Variants in TRIP11 observed in about 807,000 individuals in gnomAD.
The protein encoded by TRIP11 is thyroid hormone receptor interactor 11.
TRIP11 carries 148 observed loss-of-function variants against 223.1 expected under a neutral mutation model. The observed-to-expected ratio is 0.66, with a 90% CI of 0.58 to 0.76. The LOEUF is 0.76. Among genes scored for constraint, TRIP11 ranks in the 30% least tolerant of loss-of-function variants. TRIP11 has a pLI of 0.00. For synonymous variants in TRIP11, 762 were observed against 772.6 expected (o/e 0.99, Z 0.23); for missense variants, 2,043 against 2,222.0 (o/e 0.92, Z 1.62).
chr14:91,997,976 A>G (rs1164784913), intron 13 of TRIP11, among the ~76,000 whole-genome samples: 1 of 152,224 alleles, frequency 6.6e-6, no homozygotes, highest in African/African-American at 2.4e-5. Context: ...ACTGAAACAT[A>G]TAGCCAAATG....
rs755379067 is a variant in TRIP11 at position 92,005,471 on chromosome 14, A to T, written c.2505T>A (p.Ser835=). Residue 835 remains serine (S), a synonymous_variant, in exon 11 of 21, where the codon TCT becomes TCA. Coordinates refer to ENST00000267622, the MANE Select transcript of TRIP11 (RefSeq NM_004239.4). Reference sequence around the variant, plus strand: ...AAATTTCATTTTTTCTTAAGGCCTGAGAATATTTATCCAATTCCTCCTGCA... The same window carrying T: ...AAATTTCATTTTTTCTTAAGGCCTGTGAATATTTATCCAATTCCTCCTGCA... ...SKLQEELDKY[S]QALRKNEILR... is the part of the protein sequence containing the mutation. 1.9e-6 allele frequency: 3 copies of T among 1,613,906 alleles called. No homozygotes were observed. In the African/African-American group the frequency reaches 4.0e-5, roughly 22 times the overall value.
chr14:91,988,633 TA>T (rs749287959), intron 15 of TRIP11, among the ~76,000 whole-genome samples: 5,683 of 99,432 alleles, frequency 0.057, 332 homozygotes, highest in African/African-American at 0.18. Context: ...ATGACAGAAG[TA>T]AAAAAAAAAA....
At chr14:91,993,506 A>G (rs2140103405) in intron 15 of TRIP11, among the ~76,000 whole-genome samples, 1 of 151,610 alleles carries the variant, frequency 6.6e-6, no homozygotes, top group African/African-American at 2.4e-5. Flanking sequence ...AAAAGAGAGA[A>G]AATTATAAAG....
chr14:92,029,280 A>ATTTTTTTTTTTTTT (rs60778253), intron 2 of TRIP11, among the ~76,000 whole-genome samples: 5 of 76,796 alleles, frequency 6.5e-5, no homozygotes, highest in East Asian at 5.0e-4. Flanking sequence ...CCAAAGTATT[A>ATTTTTTTTTTTTTT]TTTTTTTTTT....
intron 8 of TRIP11, among the ~76,000 whole-genome samples, 197 bp from the exon 9 acceptor site, chr14:92,011,269 A>T (rs1007960787): frequency 4.6e-5 from 7 of 152,108 alleles, no homozygotes; most frequent in Middle Eastern, 3.2e-3. Flanking sequence ...AGGCAGGCAG[A>T]TCACAAGGTC....
At chr14:91,986,882 T>G (rs550963676) in intron 16 of TRIP11, among the ~76,000 whole-genome samples, 1 of 152,314 alleles carries the variant, frequency 6.6e-6, no homozygotes, top group African/African-American at 2.4e-5. Flanking sequence ...ATACAGAAGA[T>G]GCTACCATAT....
chr14:91,985,592 A>C (rs1433940482), intron 16 of TRIP11, among the ~76,000 whole-genome samples: 4 of 152,228 alleles, frequency 2.6e-5, no homozygotes, highest in African/African-American at 4.8e-5. Context: ...ATATTGTTTA[A>C]ATGCTGAAAC....
chr14:91,995,496 C>G lies in TRIP11; in HGVS notation c.4912G>C (p.Val1638Leu). 1 of 1,614,118 alleles carries G rather than the reference C, an allele frequency of 6.2e-7. No homozygotes were observed. Among genetic ancestry groups the G allele is most frequent in the Non-Finnish European group, 8.5e-7 (1 of 1,180,006 alleles). Reference sequence around the variant, plus strand: ...TTCAACTGTTCTTGCAATGACTCTACCTGCACACTGGCTTGATGGCTTCAA... The same window carrying G: ...TTCAACTGTTCTTGCAATGACTCTAGCTGCACACTGGCTTGATGGCTTCAA... ...ENASHQASVQVESLQEQLNVV... is the reference protein window; with the variant it reads ...ENASHQASVQLESLQEQLNVV... Residue 1638 changes from valine to leucine, a missense_variant, in exon 14 of 21, where the codon GTA becomes CTA. By Grantham distance (32) the Val-to-Leu change is conservative. Coordinates refer to ENST00000267622, the MANE Select transcript of TRIP11 (RefSeq NM_004239.4).
intron 16 of TRIP11, among the ~76,000 whole-genome samples, chr14:91,983,189 T>G (rs1036143081): frequency 6.6e-6 from 1 of 152,244 alleles, no homozygotes; most frequent in Non-Finnish European, 1.5e-5. Context: ...GTTTCATGTA[T>G]TTGATGCATG....
chr14:92,003,881 A>G lies in TRIP11; in HGVS notation c.4095T>C (p.Thr1365=), dbSNP rs1304792630. The G allele has an allele frequency of 6.2e-7, 1 of 1,613,778 alleles. No homozygotes were observed. Among genetic ancestry groups the G allele is most frequent in the East Asian group, 2.2e-5 (1 of 44,860 alleles). Residue 1365 remains threonine, a synonymous_variant, in exon 11 of 21, where the codon ACT becomes ACC. Transcript: ENST00000267622. ...ACAATCTGTGGTTATTTTCCTGGAGAGTTCTAATTGTTGCATCTTTTTCCT... is the reference window on the plus strand; with the variant it reads ...ACAATCTGTGGTTATTTTCCTGGAGGGTTCTAATTGTTGCATCTTTTTCCT... ...SLQEKDATIR[T]LQENNHRLSD...
At chr14:92,035,500 T>C (rs2057314295) in intron 1 of TRIP11, among the ~76,000 whole-genome samples, 1 of 149,756 alleles carries the variant, frequency 6.7e-6, no homozygotes, top group Non-Finnish European at 1.5e-5. Flanking sequence ...TCTTGGGCCA[T>C]ACATAAAATA....
chr14:92,033,640 G>GA lies in TRIP11; in HGVS notation c.140-388dup, dbSNP rs376556099. On this transcript the variant is annotated intron_variant, in intron 1 of 20. Coordinates refer to ENST00000267622, the MANE Select transcript of TRIP11 (RefSeq NM_004239.4). ...CTTATTTCTAACTGTAAGAATTAAA[G>GA]AAAGAGGAGAGAAACACAAAGGGTG... 5.4e-3 allele frequency among the ~76,000 whole-genome samples: 819 copies of GA among 152,284 alleles called. 9 individuals carry two copies. The highest frequency in any genetic ancestry group is 0.019 in the African/African-American group (788 of 41,556).
intron 4 of TRIP11, among the ~76,000 whole-genome samples, chr14:92,020,034 G>A (rs998829212): frequency 6.6e-6 from 1 of 152,106 alleles, no homozygotes; most frequent in African/African-American, 2.4e-5. Flanking sequence ...GGCGGCCTGA[G>A]GTCAAGAGTT....
intron 2 of TRIP11, among the ~76,000 whole-genome samples, chr14:92,032,919 T>A (rs746996867): frequency 6.6e-6 from 1 of 152,126 alleles, no homozygotes; most frequent in Non-Finnish European, 1.5e-5. Flanking sequence ...TGGATTATGA[T>A]AAATTATTGA....
At chr14:92,026,502 CCA>C in intron 2 of TRIP11, 1 of 986,010 alleles carries the variant, frequency 1.0e-6, no homozygotes, top group Non-Finnish European at 1.6e-6. Flanking sequence ...AGCTTTATCG[CCA>C]GAGTCCCTGA....
chr14:92,008,191 C>T (rs2056929140), intron 9 of TRIP11, among the ~76,000 whole-genome samples: 2 of 152,184 alleles, frequency 1.3e-5, no homozygotes, highest in South Asian at 4.1e-4. Context: ...TATCCATCCC[C>T]TGGCCCCACC....
intron 3 of TRIP11, among the ~76,000 whole-genome samples, chr14:92,024,115 C>T (rs1055098990): frequency 7.2e-5 from 11 of 152,160 alleles, no homozygotes; most frequent in East Asian, 3.9e-4. Context: ...CGGTGGCTCA[C>T]GCCTGTAATC....
intron 15 of TRIP11, among the ~76,000 whole-genome samples, chr14:91,991,241 T>G (rs906970907): frequency 6.6e-6 from 1 of 152,178 alleles, no homozygotes; most frequent in East Asian, 1.9e-4. Flanking sequence ...GGCTCCCTCT[T>G]GTTCTCTCAC....
Position 92,005,428 on chromosome 14 carries a change from C to T in TRIP11, c.2548G>A (p.Glu850Lys), listed in dbSNP as rs2056886452. 6.2e-7 allele frequency: 1 copy of T among 1,613,726 alleles called. No individual in the cohort carries two copies. The highest frequency in any genetic ancestry group is 2.2e-5 in the East Asian group (1 of 44,866). Residue 850 changes from glutamate to lysine, a missense_variant, in exon 11 of 21, where the codon GAA becomes AAA. Transcript: ENST00000267622. ...KNEILRQTIE[E>K]KDRSLGSMKE... ...ATGGATCCAAGACTTCGGTCTTTTT[C>T]CTCTATGGTCTGTCTTAAAATTTCA...
Sources: gnomAD v4.1 joint callset for allele counts (sites outside exome capture counted in the v4.1 genomes callset) on GRCh38, gnomAD v4.1.1 for gene constraint, MANE v1.5 for transcripts, NCBI Gene and HGNC (gene_info 2026-07-23, HGNC 2026-07-21) for gene names.